Variants in ZBTB20 observed in about 807,000 individuals in gnomAD.
ZBTB20 encodes the protein zinc finger and BTB domain-containing protein 20.
In ZBTB20, 9 loss-of-function variants were observed where a neutral mutation model predicts 56.9. That is an observed-to-expected ratio of 0.16 (90% CI 0.10 to 0.28). The LOEUF (loss-of-function observed/expected upper bound fraction) is 0.28, where lower values mean the gene tolerates loss of function less well. ZBTB20 is among the 10% of genes least tolerant of loss of function. The pLI is 1.00. For missense variants in ZBTB20, 655 were observed against 1,003.0 expected (o/e 0.65, Z 4.69); for synonymous variants, 417 against 420.7 (o/e 0.99, Z 0.11).
intron 6 of ZBTB20, among the ~76,000 whole-genome samples, chr3:114,525,896 T>C (rs2047164106): frequency 1.3e-5 from 2 of 152,224 alleles, no homozygotes. Context: ...CCAACCCCTA[T>C]GTCCACTACA....
intron 1 of ZBTB20, among the ~76,000 whole-genome samples, chr3:115,138,747 T>A (rs1224230689): frequency 6.6e-6 from 1 of 152,102 alleles, no homozygotes; most frequent in Non-Finnish European, 1.5e-5. Context: ...ATATAACCAA[T>A]GACTGCAACA....
intron 7 of ZBTB20, among the ~76,000 whole-genome samples, chr3:114,398,419 T>A (rs1426913265): frequency 6.6e-6 from 1 of 152,096 alleles, no homozygotes; most frequent in Non-Finnish European, 1.5e-5. Context: ...ATTGGAATAG[T>A]TTAAGATGCT....
intron 5 of ZBTB20, among the ~76,000 whole-genome samples, chr3:114,737,658 T>C (rs2066276018): frequency 6.6e-6 from 1 of 152,186 alleles, no homozygotes; most frequent in Non-Finnish European, 1.5e-5. Context: ...CCAAATGGAA[T>C]TTAATACATT....
chr3:114,453,413 A>G (rs891451093), intron 7 of ZBTB20, among the ~76,000 whole-genome samples: 4 of 152,180 alleles, frequency 2.6e-5, no homozygotes, highest in Admixed American at 6.6e-5. Context: ...TACCTTTTAA[A>G]CAGATGGATG....
intron 6 of ZBTB20, among the ~76,000 whole-genome samples, chr3:114,503,683 G>A (rs1282793996): frequency 6.6e-6 from 1 of 151,972 alleles, no homozygotes; most frequent in Non-Finnish European, 1.5e-5. Context: ...TAAAGCCCAA[G>A]TAATTCAGGA....
rs982846844 is a variant in ZBTB20 at position 114,335,081 on chromosome 3, T to C, written c.*3924A>G. ...GTGTTTTTAGTGGTAGAAAATATTA[T>C]TTTTTTATAAACCATATCTAAATAT... On this transcript the variant is annotated 3_prime_UTR_variant, in exon 12 of 12. Transcript: ENST00000675478. 3.3e-5 allele frequency: 5 copies of C among 152,136 alleles called. No individual in the cohort carries two copies. The highest frequency in any genetic ancestry group is 7.4e-5 in the Non-Finnish European group (5 of 68,012). 9.4% of individuals were successfully genotyped at this position (152,136 alleles called of 1,614,324 possible). A position where few individuals can be genotyped will look rare whatever the true frequency, so the allele number is the denominator to read the frequency against.
Position 114,861,608 on chromosome 3 carries a change from G to A in ZBTB20, c.-417+38696C>T, listed in dbSNP as rs542698532. Among the ~76,000 whole-genome samples the A allele has an allele frequency of 3.3e-5, 5 of 151,982 alleles. No homozygotes were observed. The South Asian group carries it at 1.0e-3, about 32-fold the overall frequency. On this transcript the variant is annotated intron_variant, in intron 4 of 11. Coordinates refer to ENST00000675478, the MANE Select transcript of ZBTB20 (RefSeq NM_001348800.3). ...TGAAATCACAGCCTGTTGCTGTGGG[G>A]CATTTATTACCCACCATTTAGCTAG... is the stretch of plus-strand genomic sequence containing the variant.
At chr3:114,422,523 A>G (rs1195835428) in intron 7 of ZBTB20, among the ~76,000 whole-genome samples, 1 of 152,156 alleles carries the variant, frequency 6.6e-6, no homozygotes, top group African/African-American at 2.4e-5. Flanking sequence ...AAATAGATTT[A>G]CCCTGCACCC....
intron 6 of ZBTB20, among the ~76,000 whole-genome samples, chr3:114,689,524 G>A: frequency 6.6e-6 from 1 of 152,106 alleles, no homozygotes; most frequent in East Asian, 1.9e-4. Context: ...GGTCACAAAT[G>A]TAACAACAAC....
chr3:114,403,417 A>T (rs1328798916), intron 7 of ZBTB20, among the ~76,000 whole-genome samples: 3 of 152,176 alleles, frequency 2.0e-5, no homozygotes, highest in Admixed American at 6.5e-5. Flanking sequence ...GGAATAACTG[A>T]CTTACAAAGG....
intron 7 of ZBTB20, among the ~76,000 whole-genome samples, chr3:114,476,181 A>T (rs574628848): frequency 6.6e-6 from 1 of 152,242 alleles, no homozygotes; most frequent in Non-Finnish European, 1.5e-5. Flanking sequence ...ACTGGCTCAA[A>T]ATTCTATCTA....
intron 1 of ZBTB20, among the ~76,000 whole-genome samples, chr3:115,137,755 G>A (rs965328559): frequency 6.6e-6 from 1 of 152,032 alleles, no homozygotes; most frequent in Non-Finnish European, 1.5e-5. Flanking sequence ...GTTAACAGAT[G>A]TTTTCCTGTT....
At chr3:114,467,196 A>T (rs2109210008) in intron 7 of ZBTB20, among the ~76,000 whole-genome samples, 1 of 152,324 alleles carries the variant, frequency 6.6e-6, no homozygotes, top group South Asian at 2.1e-4. Flanking sequence ...TCCATTGAGC[A>T]GCAGGAAACC....
chr3:114,624,358 CAAAAAAA>C (rs368690191), intron 6 of ZBTB20, among the ~76,000 whole-genome samples: 5 of 123,084 alleles, frequency 4.1e-5, no homozygotes, highest in Admixed American at 3.9e-4. Flanking sequence ...GTAAGAGAAA[CAAAAAAA>C]AAAAAAACCC....
chr3:114,825,417 G>A (rs959722219), intron 4 of ZBTB20, among the ~76,000 whole-genome samples: 2 of 151,866 alleles, frequency 1.3e-5, no homozygotes, highest in African/African-American at 2.4e-5. Flanking sequence ...ATGTTCCAGT[G>A]TAATGTTAAT....
chr3:114,769,800 T>C (rs1182246731), intron 5 of ZBTB20, among the ~76,000 whole-genome samples: 3 of 152,010 alleles, frequency 2.0e-5, no homozygotes, highest in Non-Finnish European at 4.4e-5. Flanking sequence ...GGCTCAGACC[T>C]GTAATCCCAG....
chr3:114,765,239 G>A (rs371054716), intron 5 of ZBTB20, among the ~76,000 whole-genome samples: 1 of 152,068 alleles, frequency 6.6e-6, no homozygotes. Context: ...AAATTCATAT[G>A]TTAAATTTCT....
rs531733283 is a variant in ZBTB20 at position 114,386,580 on chromosome 3, G to C, written c.-154+2425C>G. ...TCTGAGTCCAGTCAGAATTGGAGTT[G>C]GGAAGGAGGGCTGAACTAACACATT... On this transcript the variant is annotated intron_variant, in intron 8 of 11. Coordinates refer to ENST00000675478, the MANE Select transcript of ZBTB20 (RefSeq NM_001348800.3). 4.0e-4 allele frequency among the ~76,000 whole-genome samples: 61 copies of C among 152,184 alleles called. 1 individual carries two copies. Among genetic ancestry groups the C allele is most frequent in the Non-Finnish European group, 5.1e-4 (35 of 68,000 alleles).
intron 1 of ZBTB20, among the ~76,000 whole-genome samples, chr3:115,088,670 T>C (rs1227751449): frequency 6.6e-6 from 1 of 151,884 alleles, no homozygotes; most frequent in Admixed American, 6.6e-5. Flanking sequence ...TTGTACAAGT[T>C]TGCATACATG....
Sources: allele counts gnomAD v4.1 joint callset (sites outside exome capture counted in the v4.1 genomes callset), GRCh38; gene constraint gnomAD v4.1.1; transcripts MANE v1.5; gene names NCBI Gene and HGNC (gene_info 2026-07-23, HGNC 2026-07-21).